Variants in ZNF292 observed in about 807,000 individuals in gnomAD.
The protein encoded by ZNF292 is zinc finger protein 292.
Under a neutral mutation model 217.9 loss-of-function variants are expected in ZNF292, and 26 were observed. That is an observed-to-expected ratio of 0.12 (90% confidence interval 0.09 to 0.17). The LOEUF is 0.17. ZNF292 is among the 10% of genes least tolerant of loss of function. The pLI is 1.00. For missense variants in ZNF292, 2,904 were observed against 3,175.2 expected, an observed-to-expected ratio of 0.91 and a Z score of 2.05; for synonymous variants, 1,257 against 1,124.1, an observed-to-expected ratio of 1.12 and a Z score of -2.37.
intron 1 of ZNF292, among the ~76,000 whole-genome samples, chr6:87,191,909 C>A (rs568927676): frequency 2.6e-5 from 4 of 152,094 alleles, no homozygotes; most frequent in South Asian, 2.1e-4. Flanking sequence ...TGATCCACCC[C>A]CCTTGGCCTC....
At chr6:87,196,679 TA>T (rs58708214) in intron 1 of ZNF292, among the ~76,000 whole-genome samples, 12,425 of 152,226 alleles carry the variant, frequency 0.082, 855 homozygotes, top group African/African-American at 0.19. Flanking sequence ...TGGGGACTGT[TA>T]TTTATACTGT....
At chr6:87,217,678 T>C (rs1772859282) in intron 3 of ZNF292, among the ~76,000 whole-genome samples, 1 of 152,100 alleles carries the variant, frequency 6.6e-6, no homozygotes. Flanking sequence ...ATGAAGGAAG[T>C]AACTCTTTAC....
intron 1 of ZNF292, among the ~76,000 whole-genome samples, chr6:87,180,302 G>A (rs1980791): frequency 0.54 from 82,064 of 152,160 alleles, 22,612 homozygotes; most frequent in African/African-American, 0.63. Context: ...TTTTGTGAGT[G>A]GAGAGTGCTG....
At position 87,180,359 on chromosome 6, in the gene ZNF292, T is replaced by G. The variant is rs573321951; in HGVS notation, c.168+24600T>G. Among the ~76,000 whole-genome samples the G allele has an allele frequency of 7.2e-5, 11 of 152,332 alleles. No individual in the cohort carries two copies. The South Asian group carries it at 2.3e-3, about 32-fold the overall frequency. On this transcript the variant is annotated intron_variant, in intron 1 of 7. Transcript: ENST00000369577. ...GGCTTATGGTTTTGTTTCTTCTTACTGTGAATGCACGGCTGCCAGTAGTGT... is the reference window on the plus strand; with the variant it reads ...GGCTTATGGTTTTGTTTCTTCTTACGGTGAATGCACGGCTGCCAGTAGTGT...
chr6:87,247,503 C>G (rs1562173473), intron 7 of ZNF292, among the ~76,000 whole-genome samples: 1 of 152,104 alleles, frequency 6.6e-6, no homozygotes, highest in African/African-American at 2.4e-5. Context: ...GATTTGGGAG[C>G]CACATTTACC....
chr6:87,246,183 A>G (rs1774571199), intron 7 of ZNF292, among the ~76,000 whole-genome samples: 1 of 152,242 alleles, frequency 6.6e-6, no homozygotes, highest in Non-Finnish European at 1.5e-5. Flanking sequence ...GTGAGCTGAG[A>G]TCGTGCCTCT....
rs1773747447 is a variant in ZNF292, at chr6:87,233,379, A to G, written c.593A>G (p.His198Arg). 2 of 1,613,232 alleles carry G rather than the reference A, an allele frequency of 1.2e-6. No individual in the cohort carries two copies. Among genetic ancestry groups the G allele is most frequent in the African/African-American group, 1.3e-5 (1 of 74,916 alleles). ...GPILLDMRIK[H>R]LIKTNQLSQA... ...ATCTTGTTGGATATGAGAATTAAAC[A>G]TCTAATCAAAACAAATCAGTTAAGT... Residue 198 changes from histidine to arginine, a missense_variant, in exon 5 of 8, where the codon CAT (histidine) becomes CGT (arginine). Coordinates refer to ENST00000369577, the MANE Select transcript of ZNF292 (RefSeq NM_015021.3).
intron 1 of ZNF292, among the ~76,000 whole-genome samples, chr6:87,212,610 A>ATGCC (rs1388190436): frequency 6.6e-6 from 1 of 152,244 alleles, no homozygotes; most frequent in African/African-American, 2.4e-5. Context: ...CCATACTTGT[A>ATGCC]TGCCTGCCAG....
At chr6:87,219,428 A>G (rs568742405) in intron 4 of ZNF292, among the ~76,000 whole-genome samples, 15 of 152,324 alleles carry the variant, frequency 9.8e-5, no homozygotes, top group Non-Finnish European at 1.8e-4. Context: ...ATGGAAAAGC[A>G]TGTATTTACC....
chr6:87,241,066 C>G (rs969704450), intron 5 of ZNF292, among the ~76,000 whole-genome samples: 1 of 152,138 alleles, frequency 6.6e-6, no homozygotes, highest in Non-Finnish European at 1.5e-5. Flanking sequence ...AGGTGGATCA[C>G]GAGGTCAGGA....
intron 5 of ZNF292, among the ~76,000 whole-genome samples, chr6:87,242,342 T>G (rs567365993): frequency 1.3e-5 from 2 of 152,156 alleles, no homozygotes; most frequent in Non-Finnish European, 2.9e-5. Context: ...TTTTCTTGTC[T>G]TAGTGTTTTC....
intron 4 of ZNF292, among the ~76,000 whole-genome samples, chr6:87,226,647 CTATA>C (rs1228112578): frequency 1.8e-5 from 2 of 113,202 alleles, no homozygotes; most frequent in African/African-American, 8.0e-5. Context: ...ATCTATATAT[CTATA>C]TATATATAGA....
intron 4 of ZNF292, among the ~76,000 whole-genome samples, chr6:87,230,733 TAA>T (rs35005215): frequency 9.5e-5 from 13 of 137,376 alleles, no homozygotes; most frequent in South Asian, 2.3e-4. Flanking sequence ...GACTCCGTCT[TAA>T]AAAAAAAAAA....
intron 1 of ZNF292, among the ~76,000 whole-genome samples, chr6:87,191,286 TAA>T (rs11311792): frequency 2.1e-3 from 314 of 150,836 alleles, no homozygotes; most frequent in Middle Eastern, 3.4e-3. Flanking sequence ...CTGATGAGCT[TAA>T]AAAAAAAAAT....
chr6:87,193,241 C>T (rs1771867372), intron 1 of ZNF292, among the ~76,000 whole-genome samples: 1 of 152,092 alleles, frequency 6.6e-6, no homozygotes, highest in Non-Finnish European at 1.5e-5. Flanking sequence ...GAAAACGTAC[C>T]TGAGCTTATG....
Position 87,257,347 on chromosome 6 carries a change from C to T in ZNF292, c.3718C>T (p.Pro1240Ser), listed in dbSNP as rs766943115. Residue 1240 changes from proline (P) to serine (S), a missense_variant, in exon 8 of 8, where the codon CCA becomes TCA. By Grantham distance (74) the Pro-to-Ser change is moderately conservative. Coordinates refer to ENST00000369577, the MANE Select transcript of ZNF292 (RefSeq NM_015021.3). The part of the protein sequence containing the change: ...QMENLPSTAL[P>S]AQMEDLTKTV... ...GGAAAATTTACCTAGTACTGCCTTG[C>T]CAGCACAAATGGAAGATCTAACCAA... 2 of 1,613,622 alleles carry T rather than the reference C, an allele frequency of 1.2e-6. No individual in the cohort carries two copies. Among genetic ancestry groups the T allele is most frequent in the South Asian group, 1.1e-5 (1 of 91,022 alleles).
Position 87,261,252 on chromosome 6 carries a change from A to G in ZNF292, c.7623A>G (p.Gln2541=), listed in dbSNP as rs746813694. ...TTAATAAGGAAAAAAATGTCTCACA[A>G]AATAAAAAAAGGAAAGTTGAAAAAG... ...KRVNKEKNVS[Q]NKKRKVEKAE... is the part of the protein sequence containing the mutation. The change falls in exon 8 of 8, where the codon CAA becomes CAG. Residue 2541 remains glutamine, a synonymous_variant. Coordinates refer to ENST00000369577, the MANE Select transcript of ZNF292 (RefSeq NM_015021.3). 2 of 1,610,382 alleles carry G rather than the reference A, an allele frequency of 1.2e-6. No individual in the cohort carries two copies. The highest frequency in any genetic ancestry group is 1.7e-5 in the Admixed American group (1 of 59,064).
intron 7 of ZNF292, among the ~76,000 whole-genome samples, chr6:87,248,398 A>G (rs1272090369): frequency 1.3e-5 from 2 of 152,128 alleles, no homozygotes; most frequent in African/African-American, 4.8e-5. Flanking sequence ...TCCTCTGTCA[A>G]CCTTGTTAAC....
chr6:87,203,612 C>T (rs552028085), intron 1 of ZNF292, among the ~76,000 whole-genome samples: 1 of 151,850 alleles, frequency 6.6e-6, no homozygotes, highest in East Asian at 1.9e-4. Context: ...GGGTGGGGTG[C>T]TGCAATGGCC....
Sources: allele counts gnomAD v4.1 joint callset (sites outside exome capture counted in the v4.1 genomes callset), GRCh38; gene constraint gnomAD v4.1.1; transcripts MANE v1.5; gene names NCBI Gene and HGNC (gene_info 2026-07-23, HGNC 2026-07-21).